UMODL1: variants seen among roughly 807,000 people sequenced by gnomAD.
The protein encoded by UMODL1 is uromodulin-like 1.
UMODL1 carries 128 observed loss-of-function variants against 136.3 expected under a neutral mutation model. The observed-to-expected ratio is 0.94, with a 90% confidence interval of 0.81 to 1.09. The LOEUF (loss-of-function observed/expected upper bound fraction) is 1.09, where lower values mean the gene tolerates loss of function less well. Ranked by LOEUF, UMODL1 falls within the 50% of genes least tolerant of loss-of-function variation. The pLI is 0.00. For missense variants in UMODL1, 1,766 were observed against 1,725.6 expected, an observed-to-expected ratio of 1.02 and a Z score of -0.41; for synonymous variants, 721 against 720.0, an observed-to-expected ratio of 1.00 and a Z score of -0.02.
At chr21:42,076,667 C>A (rs2066295407) in intron 2 of UMODL1, among the ~76,000 whole-genome samples, 1 of 152,136 alleles carries the variant, frequency 6.6e-6, no homozygotes, top group Non-Finnish European at 1.5e-5. Context: ...TCTCATATAC[C>A]ACTGAGTGTG....
At chr21:42,064,309 G>A (rs2066166031) in intron 1 of UMODL1, among the ~76,000 whole-genome samples, 1 of 152,178 alleles carries the variant, frequency 6.6e-6, no homozygotes, top group African/African-American at 2.4e-5. Context: ...CCCTTCCCCC[G>A]AGGAGGAGAG....
intron 1 of UMODL1, among the ~76,000 whole-genome samples, chr21:42,073,597 G>C (rs1444496534): frequency 6.6e-6 from 1 of 152,186 alleles, no homozygotes; most frequent in Non-Finnish European, 1.5e-5. Context: ...TCTGCCCAGA[G>C]CAAATCTGCA....
chr21:42,080,361 C>T (rs1050989433), intron 2 of UMODL1, among the ~76,000 whole-genome samples: 5 of 152,296 alleles, frequency 3.3e-5, no homozygotes, highest in Admixed American at 2.0e-4. Flanking sequence ...TCCTCTGTGG[C>T]GGGGCCTCCA....
chr21:42,101,548 G>T (rs1235838087), intron 7 of UMODL1, among the ~76,000 whole-genome samples: 2 of 152,194 alleles, frequency 1.3e-5, no homozygotes, highest in Non-Finnish European at 2.9e-5. Context: ...ACCTGCTCCT[G>T]TGCCCGCCGA....
At position 42,128,622 on chromosome 21, in the gene UMODL1, G is replaced by A. The variant is rs2067093632; in HGVS notation, c.3690+791G>A. On this transcript the variant is annotated intron_variant, in intron 20 of 22. Coordinates refer to ENST00000408910, the MANE Select transcript of UMODL1 (RefSeq NM_001004416.3). ...CAAACACTAGATCTTCCTGAGCAAT[G>A]GGACAGAAGGAACCTCAGGTCCTAA... Among the ~76,000 whole-genome samples, 7 of 152,332 alleles carry A rather than the reference G, an allele frequency of 4.6e-5. No individual in the cohort carries two copies. The South Asian group carries it at 1.5e-3, about 32-fold the overall frequency.
At chr21:42,111,731 A>G (rs1165584147) in intron 12 of UMODL1, 21 bp downstream of exon 12, 39 of 1,594,626 alleles carry the variant, frequency 2.4e-5, no homozygotes, top group Non-Finnish European at 3.1e-5. Context: ...CGAATGGTGC[A>G]TGGGGACTAG....
chr21:42,139,670 G>T (rs9981668), intron 22 of UMODL1, among the ~76,000 whole-genome samples: 27,833 of 151,858 alleles, frequency 0.18, 2,597 homozygotes, highest in South Asian at 0.3. Flanking sequence ...CCCACCAGAT[G>T]TCCTTAGAAA....
chr21:42,096,644 G>A (rs1320025057), intron 6 of UMODL1, among the ~76,000 whole-genome samples: 1 of 152,108 alleles, frequency 6.6e-6, no homozygotes, highest in Admixed American at 6.6e-5. Flanking sequence ...GTGCTCTCTC[G>A]CTCTGCGTCA....
Position 42,090,368 on chromosome 21 carries a change from C to T in UMODL1, c.861C>T (p.Gly287=), listed in dbSNP as rs767630325. 2 of 1,614,078 alleles carry T rather than the reference C, an allele frequency of 1.2e-6. No individual in the cohort carries two copies. The highest frequency in any genetic ancestry group is 1.7e-5 in the Admixed American group (1 of 60,020). Residue 287 remains glycine (G), a synonymous_variant, in exon 6 of 23, where the codon GGC becomes GGT. Coordinates refer to ENST00000408910, the MANE Select transcript of UMODL1 (RefSeq NM_001004416.3). The part of the protein sequence containing the change: ...SGRELCANLE[G]SYWCVCHQEA... ...GGGAACTGTGCGCAAACCTGGAGGG[C>T]TCGTACTGGTGCGTCTGTCACCAGG...
At chr21:42,111,822 C>T in intron 12 of UMODL1, 112 bp downstream of exon 12, 1 of 1,113,538 alleles carries the variant, frequency 9.0e-7, no homozygotes, top group South Asian at 1.6e-5. Context: ...TAGCAATGCT[C>T]AGGCGGCATC....
chr21:42,090,043 A>G (rs934542085), intron 5 of UMODL1, among the ~76,000 whole-genome samples: 2 of 152,168 alleles, frequency 1.3e-5, no homozygotes, highest in African/African-American at 4.8e-5. Context: ...TGCTCACGTG[A>G]GGCTGCCCGG....
At chr21:42,130,488 C>T (rs897197439) in intron 21 of UMODL1, among the ~76,000 whole-genome samples, 1 of 151,808 alleles carries the variant, frequency 6.6e-6, no homozygotes, top group African/African-American at 2.4e-5. Flanking sequence ...AGAGAGAAAC[C>T]GCTAGTTGTC....
intron 10 of UMODL1, among the ~76,000 whole-genome samples, chr21:42,110,102 TG>T (rs1401033403): frequency 2.6e-5 from 4 of 151,808 alleles, no homozygotes; most frequent in African/African-American, 9.7e-5. Context: ...CCCGAGACAG[TG>T]TGGAAGCCCA....
chr21:42,094,362 A>G (rs2066528402), intron 6 of UMODL1, among the ~76,000 whole-genome samples: 1 of 152,220 alleles, frequency 6.6e-6, no homozygotes, highest in South Asian at 2.1e-4. Context: ...CCGGGAAGAA[A>G]CAAGGGCCAG....
intron 19 of UMODL1, 68 bp downstream of exon 19, chr21:42,127,310 T>A: frequency 7.0e-7 from 1 of 1,427,132 alleles, no homozygotes; most frequent in Non-Finnish European, 9.9e-7. Context: ...TAGGTAGGGC[T>A]CAAGAATGCA....
intron 14 of UMODL1, among the ~76,000 whole-genome samples, chr21:42,117,057 C>T (rs893351621): frequency 4.0e-5 from 6 of 151,832 alleles, no homozygotes; most frequent in Admixed American, 1.3e-4. Context: ...GCCTAGGTGA[C>T]AGAGCAAGAC....
intron 1 of UMODL1, among the ~76,000 whole-genome samples, chr21:42,065,215 C>T (rs1292364369): frequency 6.6e-6 from 1 of 152,204 alleles, no homozygotes; most frequent in Non-Finnish European, 1.5e-5. Context: ...ACGATCCCCT[C>T]TGAGTTTGGC....
rs150149927 is a variant in UMODL1, at chr21:42,090,684, A to C, written c.931+246A>C. Among the ~76,000 whole-genome samples, 7 of 152,350 alleles carry C rather than the reference A, an allele frequency of 4.6e-5. No individual in the cohort carries two copies. The South Asian group carries it at 1.0e-3, about 23-fold the overall frequency. On this transcript the variant is annotated intron_variant, in intron 6 of 22. Coordinates refer to ENST00000408910, the MANE Select transcript of UMODL1 (RefSeq NM_001004416.3). ...CCATTTACAAAATATAGTGATTCTC[A>C]ATCACTGAAAATGTCAAATCCTAGA... is the stretch of plus-strand genomic sequence containing the variant.
At chr21:42,096,853 A>G (rs561960629) in intron 6 of UMODL1, among the ~76,000 whole-genome samples, 1 of 152,338 alleles carries the variant, frequency 6.6e-6, no homozygotes, top group East Asian at 1.9e-4. Context: ...AAAATAGAAC[A>G]GTCAGTGCTT....
Sources: gnomAD v4.1 joint callset for allele counts (sites outside exome capture counted in the v4.1 genomes callset) on GRCh38, gnomAD v4.1.1 for gene constraint, MANE v1.5 for transcripts, NCBI Gene and HGNC (gene_info 2026-07-23, HGNC 2026-07-21) for gene names.